The following EIF4E2 variants were observed in gnomAD, a reference collection of about 807,000 sequenced individuals.
EIF4E2 encodes eukaryotic translation initiation factor 4E type 2.
Under a neutral mutation model 34.2 loss-of-function variants are expected in EIF4E2, and 13 were observed. That is an observed-to-expected ratio of 0.38 (90% CI 0.25 to 0.60). The LOEUF is 0.60. Ranked by LOEUF, EIF4E2 falls within the 20% of genes least tolerant of loss-of-function variation. EIF4E2 has a pLI of 0.62. For synonymous variants in EIF4E2, 100 were observed against 106.6 expected, an observed-to-expected ratio of 0.94 and a Z score of 0.38; for missense variants, 222 against 315.1, an observed-to-expected ratio of 0.70 and a Z score of 2.24.
intron 6 of EIF4E2, among the ~76,000 whole-genome samples, chr2:232,577,233 C>A (rs572915184): frequency 6.6e-6 from 1 of 152,330 alleles, no homozygotes; most frequent in Non-Finnish European, 1.5e-5. Context: ...GAAGAGGAAG[C>A]CAGAACTGGC....
At chr2:232,582,506 G>A (rs1693383561) in exon 7 of EIF4E2, 1 of 152,178 alleles carries the variant, frequency 6.6e-6, no homozygotes, top group African/African-American at 2.4e-5. Context: ...TTAAACTCCA[G>A]GAATATGAAG....
Position 232,566,421 on chromosome 2 carries a change from A to G in EIF4E2, c.376-408A>G, listed in dbSNP as rs184828116. Reference sequence around the variant, plus strand: ...CAGCCAGGATGGTCTCGATCTCCTCACCTCGTGATTCGCCCACCTCAGCCT... The same window carrying G: ...CAGCCAGGATGGTCTCGATCTCCTCGCCTCGTGATTCGCCCACCTCAGCCT... On this transcript the variant is annotated intron_variant, in intron 4 of 6. Transcript: ENST00000258416. The surrounding 1 kb of genome is among the most constrained non-coding windows in gnomAD (Gnocchi z 4.9). Among the ~76,000 whole-genome samples the G allele has an allele frequency of 1.2e-3, 190 of 152,226 alleles. 6 individuals are homozygous for G. In the East Asian group the frequency reaches 0.035, roughly 28 times the overall value.
intron 6 of EIF4E2, among the ~76,000 whole-genome samples, chr2:232,579,015 C>G (rs146621329): frequency 6.6e-6 from 1 of 152,134 alleles, no homozygotes; most frequent in Non-Finnish European, 1.5e-5. Flanking sequence ...ACAGAGCCAT[C>G]TGTTCCTGTG....
exon 7 of EIF4E2, chr2:232,582,744 G>T (rs1196701227): frequency 1.3e-5 from 2 of 152,210 alleles, no homozygotes. Context: ...TATGTGTAGA[G>T]TGTGCTTAGG....
intron 6 of EIF4E2, chr2:232,567,494 A>G (rs942192978): frequency 1.5e-5 from 19 of 1,274,462 alleles, no homozygotes; most frequent in Non-Finnish European, 1.7e-5. Flanking sequence ...CTTGTCTTTC[A>G]TATGCTAACC....
chr2:232,570,037 C>T (rs956940358), downstream of EIF4E2, among the ~76,000 whole-genome samples: 6 of 152,218 alleles, frequency 3.9e-5, no homozygotes. Context: ...CCACCAAAAA[C>T]ATAATAAACA....
chr2:232,572,150 T>C (rs1654094756), downstream of EIF4E2, among the ~76,000 whole-genome samples: 1 of 152,244 alleles, frequency 6.6e-6, no homozygotes, highest in South Asian at 2.1e-4. Flanking sequence ...TAACTTGTTC[T>C]TTCTTTACCT....
chr2:232,550,869 C>T (rs1692283242), intron 1 of EIF4E2, 125 bp downstream of exon 1: 6 of 991,014 alleles, frequency 6.1e-6, no homozygotes, highest in South Asian at 5.1e-5. Context: ...CGGCTGCGGC[C>T]GGACCTGGCC....
At chr2:232,574,058 GC>G (rs1693153328), downstream of EIF4E2, 3 of 708,986 alleles carry the variant, frequency 4.2e-6, no homozygotes, top group African/African-American at 3.5e-5. Flanking sequence ...AAGCAGAAGT[GC>G]CCGCTGGCCC....
At chr2:232,554,205 A>G (rs1377618781) in intron 1 of EIF4E2, among the ~76,000 whole-genome samples, 1 of 152,238 alleles carries the variant, frequency 6.6e-6, no homozygotes, top group East Asian at 1.9e-4. Context: ...AGGTTAGGAA[A>G]TGTTGCCAAG....
At chr2:232,562,490 G>A (rs181713687) in intron 3 of EIF4E2, among the ~76,000 whole-genome samples, 1 of 152,120 alleles carries the variant, frequency 6.6e-6, no homozygotes, top group African/African-American at 2.4e-5. Flanking sequence ...GGAGGCTGAG[G>A]CAGGAGAATC....
chr2:232,554,256 C>A (rs719792), intron 1 of EIF4E2, among the ~76,000 whole-genome samples: 2 of 152,144 alleles, frequency 1.3e-5, no homozygotes, highest in African/African-American at 4.8e-5. Flanking sequence ...GACAAGTTAA[C>A]TAGGCAAAGA....
In EIF4E2 at chr2:232,574,456, A is replaced by G. The variant is rs1574677098; in HGVS notation, c.666-6448A>G. On this transcript the variant is annotated intron_variant, in intron 6 of 6. Coordinates refer to the EIF4E2 transcript ENST00000409098. ...CCAACATTGAGCCTCAGAGAAAAAT[A>G]TAAGTCCCAAACCACTGGATTCTCA... is the stretch of plus-strand genomic sequence containing the variant. 19 of 1,097,604 alleles carry G rather than the reference A, an allele frequency of 1.7e-5. No individual in the cohort carries two copies. The East Asian group carries it at 3.4e-4, about 20-fold the overall frequency. The allele number at this position is 1,097,604 out of a possible 1,614,324, so 68.0% of individuals were successfully genotyped here.
At chr2:232,554,580 C>A (rs1226762123) in intron 1 of EIF4E2, among the ~76,000 whole-genome samples, 1 of 151,838 alleles carries the variant, frequency 6.6e-6, no homozygotes, top group African/African-American at 2.4e-5. Flanking sequence ...GAAAAGGAAA[C>A]CAAATGTTTA....
At chr2:232,556,792 A>G (rs894215286) in intron 2 of EIF4E2, among the ~76,000 whole-genome samples, 5 of 152,224 alleles carry the variant, frequency 3.3e-5, no homozygotes, top group Non-Finnish European at 7.3e-5. Context: ...GGAGCTTAAC[A>G]AGGCTGTTAG....
chr2:232,551,325 C>A (rs2106230134), intron 1 of EIF4E2: 2 of 470,060 alleles, frequency 4.3e-6, no homozygotes, highest in African/African-American at 4.0e-5. Context: ...CGTCTTCCAA[C>A]ACACTCGCCA....
chr2:232,576,112 G>A (rs1054152314), intron 6 of EIF4E2, among the ~76,000 whole-genome samples: 3 of 152,014 alleles, frequency 2.0e-5, no homozygotes, highest in African/African-American at 7.2e-5. Context: ...GCTGAGGCAG[G>A]AGAATCGCTT....
intron 4 of EIF4E2, among the ~76,000 whole-genome samples, chr2:232,565,442 T>A (rs1050155299): frequency 3.3e-5 from 5 of 152,152 alleles, no homozygotes; most frequent in African/African-American, 4.8e-5. Context: ...GAGGCCAGCC[T>A]GGCCAACATG....
chr2:232,568,177 C>T, intron 6 of EIF4E2: 1 of 985,264 alleles, frequency 1.0e-6, no homozygotes. Context: ...GTAAGAATAT[C>T]ATCATGTTGT....
Sources: gnomAD v4.1 joint callset for allele counts (sites outside exome capture counted in the v4.1 genomes callset) on GRCh38, gnomAD v4.1.1 for gene constraint, Gnocchi (gnomAD v3.1) non-coding constraint, MANE v1.5 for transcripts, NCBI Gene and HGNC (gene_info 2026-07-23, HGNC 2026-07-21) for gene names.